SIPA1L1: variants seen among roughly 807,000 people sequenced by gnomAD.
The protein encoded by SIPA1L1 is signal induced proliferation associated 1 like 1.
A neutral mutation model predicts 162.7 loss-of-function variants in SIPA1L1; 26 were observed. That is an observed-to-expected ratio of 0.16 (90% CI 0.12 to 0.22). The LOEUF (loss-of-function observed/expected upper bound fraction) is 0.22, where lower values mean the gene tolerates loss of function less well. SIPA1L1 is among the 10% of genes least tolerant of loss of function. SIPA1L1 has a pLI of 1.00. For missense variants in SIPA1L1, 1,874 were observed against 2,241.0 expected (o/e 0.84, Z 3.31); for synonymous variants, 829 against 837.4 (o/e 0.99, Z 0.17).
intron 17 of SIPA1L1, among the ~76,000 whole-genome samples, chr14:71,711,822 C>G (rs2082895043): frequency 6.6e-6 from 1 of 152,210 alleles, no homozygotes; most frequent in Non-Finnish European, 1.5e-5. Context: ...AGAAATAACT[C>G]TCCTATTGAA....
chr14:71,367,555 G>A (rs1173486055), intron 2 of SIPA1L1, among the ~76,000 whole-genome samples: 5 of 149,236 alleles, frequency 3.4e-5, no homozygotes, highest in South Asian at 2.1e-4. Context: ...TGATCTGCCC[G>A]CCTCGGCCTC....
At chr14:71,545,879 T>C (rs1386745077) in intron 4 of SIPA1L1, among the ~76,000 whole-genome samples, 3 of 152,092 alleles carry the variant, frequency 2.0e-5, no homozygotes, top group African/African-American at 7.2e-5. Flanking sequence ...GGTGGGAGAA[T>C]TGCCTGAGTC....
At chr14:71,395,212 T>G (rs2041086833) in intron 2 of SIPA1L1, among the ~76,000 whole-genome samples, 1 of 152,190 alleles carries the variant, frequency 6.6e-6, no homozygotes, top group South Asian at 2.1e-4. Flanking sequence ...TTGGCAAGTG[T>G]GAAATTGTCA....
chr14:71,453,408 T>C (rs1293496180), intron 2 of SIPA1L1, among the ~76,000 whole-genome samples: 1 of 152,148 alleles, frequency 6.6e-6, no homozygotes, highest in African/African-American at 2.4e-5. Flanking sequence ...GGACTGCAGG[T>C]GTGTGCCACC....
chr14:71,326,240 G>T (rs1280523615), intron 2 of SIPA1L1, among the ~76,000 whole-genome samples: 1 of 146,830 alleles, frequency 6.8e-6, no homozygotes, highest in South Asian at 2.1e-4. Context: ...ATGGAGTCTC[G>T]CTGTGTCACC....
At chr14:71,553,696 T>C (rs1262041543) in intron 4 of SIPA1L1, among the ~76,000 whole-genome samples, 1 of 152,112 alleles carries the variant, frequency 6.6e-6, no homozygotes. Flanking sequence ...ACCCATTTTA[T>C]AGATTTCTGT....
At chr14:71,511,265 A>G (rs2051125486) in intron 2 of SIPA1L1, among the ~76,000 whole-genome samples, 1 of 152,024 alleles carries the variant, frequency 6.6e-6, no homozygotes, top group Non-Finnish European at 1.5e-5. Flanking sequence ...ATAGGGTATG[A>G]CAGGAGCATT....
intron 17 of SIPA1L1, among the ~76,000 whole-genome samples, chr14:71,720,649 A>C (rs1473364650): frequency 6.6e-6 from 1 of 151,600 alleles, no homozygotes; most frequent in Non-Finnish European, 1.5e-5. Context: ...TCTTTTTTCT[A>C]CTGTGACTGT....
chr14:71,684,612 C>A (rs1043775778), intron 12 of SIPA1L1, among the ~76,000 whole-genome samples: 1 of 152,190 alleles, frequency 6.6e-6, no homozygotes, highest in East Asian at 1.9e-4. Context: ...TGCGCATACA[C>A]CCTTTCAGAG....
At chr14:71,707,090 A>T (rs1016196947) in intron 16 of SIPA1L1, among the ~76,000 whole-genome samples, 2 of 151,484 alleles carry the variant, frequency 1.3e-5, no homozygotes, top group African/African-American at 2.4e-5. Flanking sequence ...CCCTTAGCCA[A>T]TGAAGAGCCT....
chr14:71,324,877 T>TGGGGGC (rs1432057087), intron 2 of SIPA1L1, among the ~76,000 whole-genome samples: 1 of 152,092 alleles, frequency 6.6e-6, no homozygotes, highest in Admixed American at 6.6e-5. Context: ...CTGGGGGTGT[T>TGGGGGC]AGGTGGAGAG....
Position 71,672,356 on chromosome 14 carries a change from A to G in SIPA1L1, c.2838A>G (p.Ser946=). The change falls in exon 12 of 24, where the codon TCA becomes TCG. Residue 946 remains serine, a synonymous_variant. Coordinates refer to ENST00000381232, the MANE Select transcript of SIPA1L1 (RefSeq NM_001386936.1). ...KEIVKRLQFV[S]KGCESVEMTL... ...TTTATTTCCTTGTCTAGTTTGTTTC[A>G]AAAGGCTGTGAATCGGTGGAGATGA... is the stretch of plus-strand genomic sequence containing the variant. The G allele has an allele frequency of 1.9e-6, 3 of 1,614,026 alleles. No individual in the cohort carries two copies. Among genetic ancestry groups the G allele is most frequent in the African/African-American group, 1.3e-5 (1 of 75,060 alleles).
chr14:71,485,842 A>G (rs1001243635), intron 2 of SIPA1L1, among the ~76,000 whole-genome samples: 28 of 152,036 alleles, frequency 1.8e-4, no homozygotes, highest in Non-Finnish European at 3.5e-4. Flanking sequence ...TTATCTAACA[A>G]TTCACCTGGC....
chr14:71,575,284 TATC>T (rs1030143833), intron 4 of SIPA1L1, among the ~76,000 whole-genome samples: 10 of 152,120 alleles, frequency 6.6e-5, no homozygotes, highest in African/African-American at 2.4e-4. Flanking sequence ...CCTCTGCCCT[TATC>T]ATTCAGTGTC....
At chr14:71,381,246 G>T (rs529514065) in intron 2 of SIPA1L1, among the ~76,000 whole-genome samples, 2 of 152,052 alleles carry the variant, frequency 1.3e-5, no homozygotes, top group East Asian at 1.9e-4. Flanking sequence ...TAGAGACGGG[G>T]TTTCACTGTG....
intron 2 of SIPA1L1, among the ~76,000 whole-genome samples, chr14:71,401,480 A>C (rs1448465450): frequency 1.3e-5 from 2 of 151,242 alleles, no homozygotes; most frequent in Non-Finnish European, 2.9e-5. Flanking sequence ...TGTTTGTTCA[A>C]CTCTGCAGTT....
chr14:71,662,969 A>G (rs2043665321), intron 10 of SIPA1L1, among the ~76,000 whole-genome samples: 1 of 152,250 alleles, frequency 6.6e-6, no homozygotes, highest in Admixed American at 6.5e-5. Flanking sequence ...AGTTAAGCCC[A>G]TTTTGAATGG....
chr14:71,656,680 C>T (rs536484322), intron 8 of SIPA1L1, among the ~76,000 whole-genome samples: 4 of 152,292 alleles, frequency 2.6e-5, no homozygotes, highest in East Asian at 1.9e-4. Flanking sequence ...TTTAAGCCTT[C>T]GCATTTTATG....
At chr14:71,485,442 G>A (rs921685934) in intron 2 of SIPA1L1, among the ~76,000 whole-genome samples, 2 of 152,268 alleles carry the variant, frequency 1.3e-5, no homozygotes, top group Middle Eastern at 3.4e-3. Context: ...TGTCAGATCA[G>A]TGGTGGCATT....
Sources: gnomAD v4.1 joint callset for allele counts (sites outside exome capture counted in the v4.1 genomes callset) on GRCh38, gnomAD v4.1.1 for gene constraint, MANE v1.5 for transcripts, NCBI Gene and HGNC (gene_info 2026-07-23, HGNC 2026-07-21) for gene names.